Variants in ACER2 observed in about 807,000 individuals in gnomAD.
The protein encoded by ACER2 is alkaline ceramidase 2, also known as alkCDase 2.
A neutral mutation model predicts 34.7 loss-of-function variants in ACER2; 26 were observed. The ratio of observed to expected loss-of-function variants is 0.75; its 90% CI spans 0.55 to 1.04. The LOEUF (loss-of-function observed/expected upper bound fraction) is 1.04, where lower values mean the gene tolerates loss of function less well. Ranked by LOEUF, ACER2 falls within the 50% of genes least tolerant of loss-of-function variation. The probability of loss-of-function intolerance (pLI) is 0.00; values close to 1 mark genes in which losing one functional copy is unlikely to be tolerated. For missense variants in ACER2, 352 were observed against 340.8 expected, an observed-to-expected ratio of 1.03 and a Z score of -0.26; for synonymous variants, 138 against 132.1, an observed-to-expected ratio of 1.04 and a Z score of -0.31.
intron 4 of ACER2, among the ~76,000 whole-genome samples, chr9:19,438,559 A>G (rs1005064321): frequency 6.6e-6 from 1 of 152,236 alleles, no homozygotes; most frequent in Non-Finnish European, 1.5e-5. Context: ...TTTGGCAAAC[A>G]CATAATTAAA....
chr9:19,432,550 A>ATG lies in ACER2; in HGVS notation c.366-2384_366-2383dup, dbSNP rs1019180413. Reference sequence around the variant, plus strand: ...TAGGACCTGCAAAACCTATATATATATGTGTGTGTGTGTGGGTGTATGTGT... The same window carrying ATG: ...TAGGACCTGCAAAACCTATATATATATGTGTGTGTGTGTGTGGGTGTATGTGT... On this transcript the variant is annotated intron_variant, in intron 3 of 5. Coordinates refer to ENST00000340967, the MANE Select transcript of ACER2 (RefSeq NM_001010887.3). Among the ~76,000 whole-genome samples, 11 of 143,682 alleles carry ATG rather than the reference A, an allele frequency of 7.7e-5. No homozygotes were observed. The East Asian group carries it at 1.0e-3, about 13-fold the overall frequency. 94.3% of individuals were successfully genotyped at this position (143,682 alleles called of 152,430 possible).
In ACER2 at chr9:19,446,403, A is replaced by C; in HGVS notation, c.626A>C (p.Tyr209Ser). Residue 209 changes from tyrosine to serine, a missense_variant, in exon 5 of 6, where the codon TAC (tyrosine) becomes TCC (serine). Transcript: ENST00000340967. ...CTGCTGTCATCCTTCAACTTCCCCT[A>C]CCTGCACTGCATGTGGTAAGCCCCT... ...CELLSSFNFP[Y>S]LHCMWHILIC... is the part of the protein sequence containing the mutation. 2 of 1,614,014 alleles carry C rather than the reference A, an allele frequency of 1.2e-6. No individual in the cohort carries two copies. The highest frequency in any genetic ancestry group is 1.6e-4 in the Middle Eastern group (1 of 6,062).
chr9:19,430,908 A>T (rs1440080492), intron 3 of ACER2, among the ~76,000 whole-genome samples: 1 of 152,086 alleles, frequency 6.6e-6, no homozygotes, highest in Non-Finnish European at 1.5e-5. Context: ...CAGTGAGCTG[A>T]GATCGCACCA....
At chr9:19,410,472 G>A (rs1447280486) in intron 1 of ACER2, among the ~76,000 whole-genome samples, 1 of 152,180 alleles carries the variant, frequency 6.6e-6, no homozygotes, top group Non-Finnish European at 1.5e-5. Context: ...CACTTTGGGA[G>A]GCCAAGGCAG....
Position 19,429,386 on chromosome 9 carries a change from C to T in ACER2, c.365+4545C>T, listed in dbSNP as rs940089515. Among the ~76,000 whole-genome samples the T allele has an allele frequency of 5.3e-5, 8 of 152,058 alleles. 1 individual carries two copies. On this transcript the variant is annotated intron_variant, in intron 3 of 5. Transcript: ENST00000340967. ...TCACTCTGTTGCCCAGGCTGGAGTGCAGTGGCACAGTCATGGCTCACTGCA... is the reference window on the plus strand; with the variant it reads ...TCACTCTGTTGCCCAGGCTGGAGTGTAGTGGCACAGTCATGGCTCACTGCA...
At chr9:19,432,825 C>A (rs917345028) in intron 3 of ACER2, among the ~76,000 whole-genome samples, 5 of 150,618 alleles carry the variant, frequency 3.3e-5, no homozygotes, top group Non-Finnish European at 5.9e-5. Context: ...AACTCCTGGG[C>A]TCAGGCCATC....
chr9:19,410,811 C>T (rs1422879519), intron 1 of ACER2, among the ~76,000 whole-genome samples: 3 of 152,182 alleles, frequency 2.0e-5, no homozygotes, highest in Non-Finnish European at 4.4e-5. Context: ...TAAATAGTTG[C>T]ACACAGAGGA....
intron 4 of ACER2, among the ~76,000 whole-genome samples, chr9:19,442,624 C>T (rs374174924): frequency 6.6e-6 from 1 of 152,246 alleles, no homozygotes; most frequent in South Asian, 2.1e-4. Flanking sequence ...ATCTCCAACA[C>T]ATTGCTCTCC....
At chr9:19,428,106 T>A (rs1158061827) in intron 3 of ACER2, among the ~76,000 whole-genome samples, 1 of 149,352 alleles carries the variant, frequency 6.7e-6, no homozygotes, top group African/African-American at 2.5e-5. Flanking sequence ...TTTCTTTCTC[T>A]TTCTTTTCTT....
intron 4 of ACER2, among the ~76,000 whole-genome samples, chr9:19,441,310 A>G (rs1440774740): frequency 1.3e-5 from 2 of 152,014 alleles, no homozygotes; most frequent in East Asian, 1.9e-4. Flanking sequence ...TGGCCTCCCA[A>G]ATTGCTGAGA....
At chr9:19,425,335 G>GCA (rs150369997) in intron 3 of ACER2, among the ~76,000 whole-genome samples, 1 of 151,970 alleles carries the variant, frequency 6.6e-6, no homozygotes. Context: ...GCGTGCGCGT[G>GCA]CACACACACA....
At chr9:19,432,372 A>G (rs901754311) in intron 3 of ACER2, among the ~76,000 whole-genome samples, 17 of 152,122 alleles carry the variant, frequency 1.1e-4, no homozygotes, top group African/African-American at 4.1e-4. Context: ...TACTTATGAA[A>G]GTTATACATG....
chr9:19,426,079 C>T (rs918603022), intron 3 of ACER2, among the ~76,000 whole-genome samples: 1 of 152,088 alleles, frequency 6.6e-6, no homozygotes, highest in African/African-American at 2.4e-5. Flanking sequence ...AATGAATGAA[C>T]TAAACTCTTT....
intron 4 of ACER2, among the ~76,000 whole-genome samples, chr9:19,443,033 T>C (rs1831209807): frequency 6.6e-6 from 1 of 151,710 alleles, no homozygotes; most frequent in Non-Finnish European, 1.5e-5. Flanking sequence ...TTTTTAATTT[T>C]ATTTATTTAT....
rs765590629 is a variant in ACER2, at chr9:19,450,472, G to T, written c.664G>T (p.Ala222Ser). The change falls in exon 6 of 6, where the codon GCC becomes TCC. Residue 222 changes from alanine to serine, a missense_variant. Physicochemically the swap from Ala to Ser is moderately conservative, Grantham distance 99. Coordinates refer to ENST00000340967, the MANE Select transcript of ACER2 (RefSeq NM_001010887.3). ...CMWHILICLA[A>S]YLGCVCFAYF... is the part of the protein sequence containing the mutation. The stretch of plus-strand genomic sequence containing the variant: ...CAGGCACATCCTCATCTGCCTTGCT[G>T]CCTACCTGGGCTGTGTATGCTTTGC... 6.9e-6 allele frequency: 11 copies of T among 1,602,794 alleles called. No individual in the cohort carries two copies. The African/African-American group carries it at 1.3e-4, about 19-fold the overall frequency.
chr9:19,428,767 G>T (rs1420944096), intron 3 of ACER2, among the ~76,000 whole-genome samples: 1 of 142,770 alleles, frequency 7.0e-6, no homozygotes, highest in African/African-American at 2.6e-5. Flanking sequence ...ATGGCTTATG[G>T]ACAAGTGGGT....
rs1182407059 is a variant in ACER2 at position 19,409,176 on chromosome 9, C to T, written c.92C>T (p.Ala31Val). The T allele has an allele frequency of 1.9e-6, 3 of 1,598,544 alleles. No individual in the cohort carries two copies. The highest frequency in any genetic ancestry group is 3.5e-5 in the Admixed American group (2 of 57,710). Residue 31 changes from alanine (A) to valine (V), a missense_variant, in exon 1 of 6, where the codon GCC becomes GTC. Transcript: ENST00000340967. ...EDNYTIVPAIAEFYNTISNVL... is the reference protein window; with the variant it reads ...EDNYTIVPAIVEFYNTISNVL... ...AACTACACCATCGTGCCTGCTATCG[C>T]CGAGTTCTACAACACGGTGCGGGGC...
chr9:19,414,862 A>T (rs1295114799), intron 1 of ACER2, among the ~76,000 whole-genome samples: 1 of 151,362 alleles, frequency 6.6e-6, no homozygotes, highest in Non-Finnish European at 1.5e-5. Flanking sequence ...AAAAAAAAAA[A>T]TTGTAGCCCT....
At chr9:19,429,704 T>G (rs2001604) in intron 3 of ACER2, among the ~76,000 whole-genome samples, 42,146 of 152,106 alleles carry the variant, frequency 0.28, 7,543 homozygotes, top group African/African-American at 0.51. Context: ...ATCCACTTTA[T>G]TTTTTGAATC....
Sources: gnomAD v4.1 joint callset for allele counts (sites outside exome capture counted in the v4.1 genomes callset) on GRCh38, gnomAD v4.1.1 for gene constraint, MANE v1.5 for transcripts, NCBI Gene and HGNC (gene_info 2026-07-23, HGNC 2026-07-21) for gene names.